Variants in LMBR1 observed in about 807,000 individuals in gnomAD.
LMBR1 encodes the protein limb development membrane protein 1.
LMBR1 carries 52 observed loss-of-function variants against 73.9 expected under a neutral mutation model. The observed-to-expected ratio is 0.70, with a 90% CI of 0.56 to 0.89. The LOEUF (loss-of-function observed/expected upper bound fraction) is 0.89, where lower values mean the gene tolerates loss of function less well. Among genes scored for constraint, LMBR1 ranks in the 40% least tolerant of loss-of-function variants. LMBR1 has a pLI of 0.00. For synonymous variants in LMBR1, 215 were observed against 209.4 expected, an observed-to-expected ratio of 1.03 and a Z score of -0.23; for missense variants, 539 against 579.8, an observed-to-expected ratio of 0.93 and a Z score of 0.72.
Position 156,840,686 on chromosome 7 carries a change from G to A in LMBR1, c.67-3801C>T, listed in dbSNP as rs983617104. ...GCAGAAAATAAACTGGAGGCCGGGC[G>A]CGGTGGCTCACTCCTGTAATCCCAG... On this transcript the variant is annotated intron_variant, in intron 1 of 16. Transcript: ENST00000353442. 5.3e-5 allele frequency among the ~76,000 whole-genome samples: 8 copies of A among 151,798 alleles called. No individual in the cohort carries two copies. The East Asian group carries it at 5.8e-4, about 11-fold the overall frequency.
intron 1 of LMBR1, among the ~76,000 whole-genome samples, chr7:156,852,449 T>A (rs1410024778): frequency 3.3e-5 from 5 of 152,206 alleles, no homozygotes; most frequent in Non-Finnish European, 5.9e-5. Flanking sequence ...ATGGATAGCA[T>A]GTTTCTATAC....
At position 156,763,255 on chromosome 7, in the gene LMBR1, T is replaced by G; in HGVS notation, c.551-79A>C. 6 of 620,168 alleles carry G rather than the reference T, an allele frequency of 9.7e-6. No homozygotes were observed. In the South Asian group the frequency reaches 1.3e-4, roughly 14 times the overall value. The allele number at this position is 620,168 out of a possible 1,614,324, so 38.4% of individuals were successfully genotyped here. On this transcript the variant is annotated intron_variant, in intron 6 of 16. Transcript: ENST00000353442. ...ATAGTCAGTCTATCTTACGATAAGA[T>G]AGAGGCTGACTGTACCTCATGTAAA...
chr7:156,734,107 C>G, intron 10 of LMBR1, 70 bp downstream of exon 10: 1 of 877,654 alleles, frequency 1.1e-6, no homozygotes, highest in East Asian at 2.6e-5. Flanking sequence ...TCTAATATTT[C>G]AGACTACAGT....
At chr7:156,717,258 C>G (rs1585346175) in intron 15 of LMBR1, among the ~76,000 whole-genome samples, 1 of 152,198 alleles carries the variant, frequency 6.6e-6, no homozygotes, top group African/African-American at 2.4e-5. Flanking sequence ...GGTTTGACCA[C>G]TTGGATAGAA....
At chr7:156,886,422 G>C (rs1481463525) in intron 1 of LMBR1, among the ~76,000 whole-genome samples, 1 of 152,210 alleles carries the variant, frequency 6.6e-6, no homozygotes. Flanking sequence ...TTCACTTGTG[G>C]GTGGAGACTT....
intron 3 of LMBR1, among the ~76,000 whole-genome samples, chr7:156,830,913 T>C (rs2133863298): frequency 6.6e-6 from 1 of 152,310 alleles, no homozygotes; most frequent in Non-Finnish European, 1.5e-5. Flanking sequence ...AAGCGAACAT[T>C]CTTGCCCAAG....
chr7:156,879,447 G>A (rs768811279), intron 1 of LMBR1, among the ~76,000 whole-genome samples: 3 of 152,236 alleles, frequency 2.0e-5, no homozygotes, highest in East Asian at 3.9e-4. Flanking sequence ...AGCAGATCCC[G>A]AGGTCAGGAG....
At chr7:156,778,031 C>T (rs541450408) in intron 5 of LMBR1, among the ~76,000 whole-genome samples, 41 of 152,124 alleles carry the variant, frequency 2.7e-4, no homozygotes, top group Non-Finnish European at 5.1e-4. Flanking sequence ...CCATCCAAGA[C>T]GATGATTTTT....
At position 156,753,243 on chromosome 7, in the gene LMBR1, C is replaced by A. The variant is rs369224929; in HGVS notation, c.757+3150G>T. ...ACACCAAATCACCACGAAAAAGGCACAGAATCAGAGAAGGATTAGAAACGA... is the reference window on the plus strand; with the variant it reads ...ACACCAAATCACCACGAAAAAGGCAAAGAATCAGAGAAGGATTAGAAACGA... On this transcript the variant is annotated intron_variant, in intron 9 of 16. Coordinates refer to ENST00000353442, the MANE Select transcript of LMBR1 (RefSeq NM_022458.4). 4.6e-5 allele frequency among the ~76,000 whole-genome samples: 7 copies of A among 152,054 alleles called. No homozygotes were observed. The East Asian group carries it at 1.4e-3, about 29-fold the overall frequency.
chr7:156,698,027 T>C (rs1057175756), intron 15 of LMBR1, among the ~76,000 whole-genome samples: 1 of 152,168 alleles, frequency 6.6e-6, no homozygotes, highest in South Asian at 2.1e-4. Flanking sequence ...GATACAGGCA[T>C]TGGGTAAATA....
chr7:156,723,919 T>C (rs1221207681), intron 15 of LMBR1, among the ~76,000 whole-genome samples, 193 bp downstream of exon 15: 1 of 152,136 alleles, frequency 6.6e-6, no homozygotes, highest in East Asian at 1.9e-4. Flanking sequence ...AAAAAATAAG[T>C]AGTCATTATT....
chr7:156,823,218 A>C lies in LMBR1; in HGVS notation c.319+3387T>G, dbSNP rs1835090030. The C allele has an allele frequency of 2.6e-5, 4 of 151,686 alleles. No homozygotes were observed. The South Asian group carries it at 8.3e-4, about 31-fold the overall frequency. 9.4% of individuals were successfully genotyped at this position (151,686 alleles called of 1,614,324 possible). A position where few individuals can be genotyped will look rare whatever the true frequency, so the allele number is the denominator to read the frequency against. On this transcript the variant is annotated intron_variant, in intron 4 of 16. Transcript: ENST00000353442. ...AATTAAAATGTCCTATCTGACTAAA[A>C]ATTTTTTAAATTAACATTACAATAA...
chr7:156,824,152 G>A (rs535431590), intron 4 of LMBR1, among the ~76,000 whole-genome samples: 26 of 151,554 alleles, frequency 1.7e-4, no homozygotes, highest in Admixed American at 7.2e-4. Flanking sequence ...ACGCGCGCGC[G>A]CTGAAAAAAT....
intron 15 of LMBR1, among the ~76,000 whole-genome samples, chr7:156,697,051 G>GAAAC (rs35601794): frequency 2.6e-5 from 4 of 151,920 alleles, no homozygotes; most frequent in African/African-American, 9.7e-5. Flanking sequence ...GGCCAGCTGA[G>GAAAC]AGAGAGAGAC....
chr7:156,828,027 CCAGCAAGCGGTCTCCAGCAAGCTT>C (rs1213993076), intron 3 of LMBR1, among the ~76,000 whole-genome samples: 1 of 152,190 alleles, frequency 6.6e-6, no homozygotes, highest in East Asian at 1.9e-4. Context: ...CAGCGACCAG[CCAGCAAGCGGTCTCCAGCAAGCTT>C]CTCCAGTCAT....
At chr7:156,855,037 G>A (rs569436315) in intron 1 of LMBR1, among the ~76,000 whole-genome samples, 98 of 152,186 alleles carry the variant, frequency 6.4e-4, no homozygotes, top group African/African-American at 2.1e-3. Context: ...CACAAAATAC[G>A]AAGCATGCTC....
chr7:156,790,517 T>G (rs1400251205), intron 5 of LMBR1, among the ~76,000 whole-genome samples: 1 of 152,048 alleles, frequency 6.6e-6, no homozygotes, highest in African/African-American at 2.4e-5. Context: ...AATCTAGCCT[T>G]TAAGTATAGA....
chr7:156,735,791 C>T (rs1352921294), intron 9 of LMBR1, among the ~76,000 whole-genome samples: 1 of 152,094 alleles, frequency 6.6e-6, no homozygotes, highest in African/African-American at 2.4e-5. Flanking sequence ...TGCTTACTTA[C>T]ATACATTTAT....
intron 8 of LMBR1, among the ~76,000 whole-genome samples, chr7:156,760,721 T>C (rs1181492546): frequency 6.6e-6 from 1 of 152,230 alleles, no homozygotes; most frequent in Non-Finnish European, 1.5e-5. Flanking sequence ...TATTTACGCA[T>C]TTTTTAAAAA....
Sources: allele counts gnomAD v4.1 joint callset (sites outside exome capture counted in the v4.1 genomes callset), GRCh38; gene constraint gnomAD v4.1.1; transcripts MANE v1.5; gene names NCBI Gene and HGNC (gene_info 2026-07-23, HGNC 2026-07-21).